The following SSTR3 variants were observed in gnomAD, a reference collection of about 807,000 sequenced individuals.
The protein encoded by SSTR3 is somatostatin receptor type 3.
For synonymous variants in SSTR3, 281 were observed against 269.2 expected, an observed-to-expected ratio of 1.04 and a Z score of -0.43; for missense variants, 504 against 604.7, an observed-to-expected ratio of 0.83 and a Z score of 1.75.
the SSTR3 span, among the ~76,000 whole-genome samples, chr22:37,217,998 C>G: frequency 1.3e-5 from 2 of 152,024 alleles, no homozygotes; most frequent in Non-Finnish European, 2.9e-5. Context: ...GCTACTGAGC[C>G]CAACCAGCTC....
At chr22:37,219,468 G>A in the SSTR3 span, among the ~76,000 whole-genome samples, 1 of 152,198 alleles carries the variant, frequency 6.6e-6, no homozygotes, top group Non-Finnish European at 1.5e-5. Flanking sequence ...CTCTCCGGAA[G>A]CCTTCTAGGG....
At chr22:37,211,571 C>T (rs1335803108) in intron 1 of SSTR3, among the ~76,000 whole-genome samples, 2 of 152,200 alleles carry the variant, frequency 1.3e-5, no homozygotes, top group Admixed American at 6.5e-5. Context: ...CGACATGATA[C>T]ATCTGGCTCC....
rs1239466688 is a variant in SSTR3 at position 37,207,657 on chromosome 22, CA to C, written c.146del (p.Leu49ArgfsTer86). ...CCACCACGCACACCACCAGGTAGAC[CA>C]GGGGGATCAGAACGCCACTGACGGC... ...GLAVSGVLIPLVYLVVCVVGL... is the reference protein window; with the variant it reads ...GLAVSGVLIPXVYLVVCVVGL... On this transcript the variant is annotated frameshift_variant, in exon 2 of 2. Coordinates refer to ENST00000610913, the MANE Select transcript of SSTR3 (RefSeq NM_001051.5). LOFTEE classifies it low-confidence loss of function (END_TRUNC). 1.3e-6 allele frequency: 2 copies of C among 1,586,666 alleles called. No homozygotes were observed. Among genetic ancestry groups the C allele is most frequent in the African/African-American group, 1.3e-5 (1 of 74,446 alleles).
chr22:37,209,357 C>T (rs933824142), intron 1 of SSTR3, among the ~76,000 whole-genome samples: 16 of 152,306 alleles, frequency 1.1e-4, no homozygotes, highest in East Asian at 1.9e-4. Flanking sequence ...ACCCCTAGGC[C>T]GTGGCTTCTC....
At chr22:37,218,819 G>A in the SSTR3 span, among the ~76,000 whole-genome samples, 1 of 152,020 alleles carries the variant, frequency 6.6e-6, no homozygotes, top group African/African-American at 2.4e-5. Context: ...GGTGGTGCTG[G>A]GGGATCTCAC....
intron 1 of SSTR3, among the ~76,000 whole-genome samples, chr22:37,209,615 G>A (rs1926068502): frequency 6.6e-6 from 1 of 152,244 alleles, no homozygotes; most frequent in Non-Finnish European, 1.5e-5. Flanking sequence ...CTAAGCTGGT[G>A]AGCTGCAGTA....
the SSTR3 span, among the ~76,000 whole-genome samples, chr22:37,217,645 T>C: frequency 1.3e-5 from 2 of 151,956 alleles, no homozygotes; most frequent in Admixed American, 6.6e-5. Flanking sequence ...AATCAACCTA[T>C]TTTTCATTTC....
chr22:37,206,965 T>C lies in SSTR3; in HGVS notation c.839A>G (p.Asn280Ser). The C allele has an allele frequency of 6.2e-7, 1 of 1,612,338 alleles. No individual in the cohort carries two copies. The highest frequency in any genetic ancestry group is 2.2e-5 in the East Asian group (1 of 44,842). Residue 280 changes from asparagine (N) to serine (S), a missense_variant, in exon 2 of 2, where the codon AAC (asparagine) becomes AGC (serine). By Grantham distance (46) the Asn-to-Ser change is conservative. Transcript: ENST00000610913. ...CTCCTCGGGCAGTGGGCACACCACG[T>C]TGACGATGTTGAGCACGTAGAAGGG... Reference protein sequence around the residue: ...WMPFYVLNIVNVVCPLPEEPA... With the variant: ...WMPFYVLNIVSVVCPLPEEPA...
chr22:37,218,437 C>T, the SSTR3 span, among the ~76,000 whole-genome samples: 4 of 152,162 alleles, frequency 2.6e-5, no homozygotes, highest in East Asian at 7.7e-4. Flanking sequence ...TGCCTGTAAT[C>T]CCAGCTACTC....
upstream of SSTR3, among the ~76,000 whole-genome samples, chr22:37,214,241 C>G (rs757680048): frequency 6.6e-6 from 1 of 152,224 alleles, no homozygotes; most frequent in African/African-American, 2.4e-5. Context: ...GATTTCTCTG[C>G]ACTAAAGGCA....
At chr22:37,207,903 A>G (rs982352752) in intron 1 of SSTR3, 64 bp from the exon 2 acceptor site, 6 of 1,375,914 alleles carry the variant, frequency 4.4e-6, no homozygotes, top group Admixed American at 6.7e-5. Flanking sequence ...GCCCCCTCCC[A>G]TCATGCCGAA....
upstream of SSTR3, among the ~76,000 whole-genome samples, chr22:37,212,780 G>A (rs901507931): frequency 7.9e-5 from 12 of 152,242 alleles, no homozygotes; most frequent in East Asian, 1.4e-3. Context: ...TGGCCAGCCC[G>A]GGAGTCCACA....
chr22:37,212,105 G>A lies in SSTR3; in HGVS notation c.-317C>T. ...ACACATCCTGGGGGGGCAGGGGCAA[G>A]GATAGGGGGGAGAAGCTTCCCAGGG... On this transcript the variant is annotated 5_prime_UTR_variant, in exon 1 of 2. Coordinates refer to ENST00000610913, the MANE Select transcript of SSTR3 (RefSeq NM_001051.5). 1.0e-6 allele frequency: 1 copy of A among 985,526 alleles called. No homozygotes were observed. The highest frequency in any genetic ancestry group is 1.2e-6 in the Non-Finnish European group (1 of 830,128). The allele number at this position is 985,526 out of a possible 1,614,324, so 61.0% of individuals were successfully genotyped here. A position where few individuals can be genotyped will look rare whatever the true frequency, so the allele number is the denominator to read the frequency against.
chr22:37,215,193 G>GCATATATAT (rs1206797821), upstream of SSTR3, among the ~76,000 whole-genome samples: 2 of 152,070 alleles, frequency 1.3e-5, no homozygotes, highest in African/African-American at 4.8e-5. Flanking sequence ...GGATTATAGT[G>GCATATATAT]AACCTGTATA....
chr22:37,206,553 G>A lies in SSTR3; in HGVS notation c.1251C>T (p.Tyr417=). ...GEKSSTMRIS[Y]L ...CCTGGCTTTCCCCAGGCCCCTACAGGTAGCTGATGCGCATCGTGCTGGACT... is the reference window on the plus strand; with the variant it reads ...CCTGGCTTTCCCCAGGCCCCTACAGATAGCTGATGCGCATCGTGCTGGACT... Residue 417 remains tyrosine, a synonymous_variant, in exon 2 of 2, where the codon TAC becomes TAT. Transcript: ENST00000610913. 1 of 1,603,346 alleles carries A rather than the reference G, an allele frequency of 6.2e-7. No homozygotes were observed. Among genetic ancestry groups the A allele is most frequent in the South Asian group, 1.1e-5 (1 of 90,552 alleles).
At position 37,205,887 on chromosome 22, in the gene SSTR3, T is replaced by C. The variant is rs573243225; in HGVS notation, c.*660A>G. ...TGAAGCTGGACTTCATTCGCTTCCA[T>C]GAGCAGGAAATTCACCTGCTCTTCC... On this transcript the variant is annotated 3_prime_UTR_variant, in exon 2 of 2. Coordinates refer to ENST00000610913, the MANE Select transcript of SSTR3 (RefSeq NM_001051.5). The C allele has an allele frequency of 3.3e-5, 5 of 152,386 alleles. No individual in the cohort carries two copies. The East Asian group carries it at 9.6e-4, about 29-fold the overall frequency. 9.4% of individuals were successfully genotyped at this position (152,386 alleles called of 1,614,324 possible).
chr22:37,211,865 G>A lies in SSTR3; in HGVS notation c.-77C>T, dbSNP rs530188872. 4.1e-6 allele frequency: 4 copies of A among 985,838 alleles called. No individual in the cohort carries two copies. In the South Asian group the frequency reaches 1.9e-4, roughly 46 times the overall value. The allele number at this position is 985,838 out of a possible 1,614,324, so 61.1% of individuals were successfully genotyped here. A position where few individuals can be genotyped will look rare whatever the true frequency, so the allele number is the denominator to read the frequency against. On this transcript the variant is annotated 5_prime_UTR_variant, in exon 1 of 2. Coordinates refer to ENST00000610913, the MANE Select transcript of SSTR3 (RefSeq NM_001051.5). ...GGGCTTCCCTCCTTGCCGCCAGGCT[G>A]GTTATCATTCTGCTGTCCCCTCTCC... is the stretch of plus-strand genomic sequence containing the variant.
the SSTR3 span, among the ~76,000 whole-genome samples, chr22:37,218,795 A>T: frequency 5.9e-5 from 9 of 151,832 alleles, no homozygotes; most frequent in African/African-American, 1.9e-4. Context: ...CGTAATGGAA[A>T]AGAGAAGACC....
In SSTR3 at chr22:37,205,560, G is replaced by A. The variant is rs1160280988; in HGVS notation, c.*987C>T. On this transcript the variant is annotated 3_prime_UTR_variant, in exon 2 of 2. Coordinates refer to ENST00000610913, the MANE Select transcript of SSTR3 (RefSeq NM_001051.5). The stretch of plus-strand genomic sequence containing the variant: ...GCCAGTCCTCATGGGCTGGGTCCCT[G>A]TCTCGGTCTCCAGGAAGGGAGAATA... 2 of 152,228 alleles carry A rather than the reference G, an allele frequency of 1.3e-5. No homozygotes were observed. Among genetic ancestry groups the A allele is most frequent in the African/African-American group, 2.4e-5 (1 of 41,374 alleles). 9.4% of individuals were successfully genotyped at this position (152,228 alleles called of 1,614,324 possible).
Sources: gnomAD v4.1 joint callset for allele counts (sites outside exome capture counted in the v4.1 genomes callset) on GRCh38, gnomAD v4.1.1 for gene constraint, MANE v1.5 for transcripts, NCBI Gene and HGNC (gene_info 2026-07-23, HGNC 2026-07-21) for gene names.